HRH1: variants seen among roughly 807,000 people sequenced by gnomAD.
The protein encoded by HRH1 is histamine H1 receptor.
HRH1 carries 6 observed loss-of-function variants against 10.3 expected under a neutral mutation model. The observed-to-expected ratio is 0.58, with a 90% CI of 0.32 to 1.15. The LOEUF (loss-of-function observed/expected upper bound fraction) is 1.15. HRH1 is among the 50% of genes most tolerant of loss of function. HRH1 has a pLI of 0.05. For synonymous variants in HRH1, 242 were observed against 236.7 expected (o/e 1.02, Z -0.21); for missense variants, 514 against 615.3 (o/e 0.84, Z 1.74).
At chr3:11,242,159 C>G (rs562037579) in intron 1 of HRH1, among the ~76,000 whole-genome samples, 37 of 152,178 alleles carry the variant, frequency 2.4e-4, no homozygotes, top group African/African-American at 8.9e-4. Flanking sequence ...TGTTGCTGCT[C>G]ACTCTTTGGG....
intron 1 of HRH1, among the ~76,000 whole-genome samples, chr3:11,167,994 G>A (rs942804400): frequency 1.3e-5 from 2 of 152,192 alleles, no homozygotes. Context: ...ACATGCAGGA[G>A]AGGAACCAAG....
intron 1 of HRH1, among the ~76,000 whole-genome samples, chr3:11,190,166 C>G (rs1044705075): frequency 6.6e-6 from 1 of 151,810 alleles, no homozygotes; most frequent in Non-Finnish European, 1.5e-5. Flanking sequence ...GTCCTGCCCT[C>G]GATCAGCTGT....
At chr3:11,252,284 G>A (rs1384995724) in intron 1 of HRH1, among the ~76,000 whole-genome samples, 1 of 152,018 alleles carries the variant, frequency 6.6e-6, no homozygotes, top group East Asian at 1.9e-4. Context: ...TTTACTTCAG[G>A]TTCTACAAAT....
intron 1 of HRH1, among the ~76,000 whole-genome samples, chr3:11,140,300 G>A (rs1048339219): frequency 1.3e-5 from 2 of 152,136 alleles, no homozygotes; most frequent in African/African-American, 4.8e-5. Flanking sequence ...TAAATCACAG[G>A]AATGATTTTC....
chr3:11,205,594 T>C (rs1938090969), intron 1 of HRH1, among the ~76,000 whole-genome samples: 1 of 152,044 alleles, frequency 6.6e-6, no homozygotes, highest in African/African-American at 2.4e-5. Context: ...TACATTTTCA[T>C]GAGCTCTCCC....
At chr3:11,207,629 G>A (rs1014412123) in intron 1 of HRH1, among the ~76,000 whole-genome samples, 8 of 152,152 alleles carry the variant, frequency 5.3e-5, no homozygotes, top group African/African-American at 1.7e-4. Flanking sequence ...CTTACTTGCT[G>A]TGTGATCTTG....
chr3:11,218,355 G>A (rs1212958005), intron 1 of HRH1, among the ~76,000 whole-genome samples: 1 of 151,734 alleles, frequency 6.6e-6, no homozygotes, highest in East Asian at 1.9e-4. Context: ...GGCTGAGGCA[G>A]GAGAATAGCT....
At chr3:11,233,798 T>A (rs1939104632) in intron 1 of HRH1, among the ~76,000 whole-genome samples, 1 of 152,232 alleles carries the variant, frequency 6.6e-6, no homozygotes. Context: ...CCATCTGGCC[T>A]CTGCTAGTAG....
At chr3:11,177,253 T>TTAAATAAATAAATAAATAAATAAATAAA (rs201560218) in intron 1 of HRH1, among the ~76,000 whole-genome samples, 11 of 149,342 alleles carry the variant, frequency 7.4e-5, no homozygotes, top group African/African-American at 2.8e-4. Flanking sequence ...AATAAATAAA[T>TTAAATAAATAAATAAATAAATAAATAAA]TAAATAAATA....
chr3:11,260,011 A>G lies in HRH1; in HGVS notation c.974A>G (p.Asn325Ser), dbSNP rs758339040. Residue 325 changes from asparagine to serine, a missense_variant, in exon 2 of 2, where the codon AAC becomes AGC. Transcript: ENST00000431010. ...EGSSRDYVAVNRSHGQLKTDE... is the reference protein window; with the variant it reads ...EGSSRDYVAVSRSHGQLKTDE... ...AGTAGCAGGGACTATGTAGCCGTCAACCGGAGCCATGGCCAGCTCAAGACA... is the reference window on the plus strand; with the variant it reads ...AGTAGCAGGGACTATGTAGCCGTCAGCCGGAGCCATGGCCAGCTCAAGACA... 1 of 1,614,184 alleles carries G rather than the reference A, an allele frequency of 6.2e-7. No individual in the cohort carries two copies. Among genetic ancestry groups the G allele is most frequent in the Non-Finnish European group, 8.5e-7 (1 of 1,180,032 alleles).
intron 1 of HRH1, among the ~76,000 whole-genome samples, chr3:11,139,891 C>A (rs3896330): frequency 0.12 from 17,557 of 152,128 alleles, 1,078 homozygotes; most frequent in South Asian, 0.17. Flanking sequence ...CCGAAAACTG[C>A]TAGTGGTGAT....
intron 1 of HRH1, among the ~76,000 whole-genome samples, chr3:11,256,792 C>T (rs973472145): frequency 6.6e-6 from 1 of 151,816 alleles, no homozygotes; most frequent in African/African-American, 2.4e-5. Flanking sequence ...AGCGAGACTC[C>T]GTCTCTAAAT....
At chr3:11,225,670 G>T (rs1399192365) in intron 1 of HRH1, among the ~76,000 whole-genome samples, 1 of 152,222 alleles carries the variant, frequency 6.6e-6, no homozygotes, top group Non-Finnish European at 1.5e-5. Flanking sequence ...TTACAACCTA[G>T]CTTTATTATT....
chr3:11,173,389 G>A (rs980333379), intron 1 of HRH1, among the ~76,000 whole-genome samples: 2 of 148,404 alleles, frequency 1.3e-5, no homozygotes, highest in East Asian at 2.0e-4. Flanking sequence ...TATATATATG[G>A]GGTTTTTTTG....
At chr3:11,250,435 T>C (rs529817743) in intron 1 of HRH1, among the ~76,000 whole-genome samples, 1 of 151,956 alleles carries the variant, frequency 6.6e-6, no homozygotes, top group East Asian at 1.9e-4. Flanking sequence ...GTCCATCCTC[T>C]CTCAACGGTC....
chr3:11,149,159 T>C (rs997350262), intron 1 of HRH1, among the ~76,000 whole-genome samples: 1 of 152,224 alleles, frequency 6.6e-6, no homozygotes, highest in Admixed American at 6.5e-5. Flanking sequence ...AACACAGGTA[T>C]AAATGGCCAC....
At chr3:11,152,334 C>T (rs889825952), upstream of HRH1, among the ~76,000 whole-genome samples, 1 of 152,198 alleles carries the variant, frequency 6.6e-6, no homozygotes, top group African/African-American at 2.4e-5. Context: ...ACCCCTCATA[C>T]AGCCTGGGGT....
chr3:11,218,952 G>A (rs145623596), intron 1 of HRH1, among the ~76,000 whole-genome samples: 1,676 of 150,236 alleles, frequency 0.011, 30 homozygotes, highest in African/African-American at 0.039. Flanking sequence ...GTGCCGTGGC[G>A]TGATCTCGGC....
intron 1 of HRH1, among the ~76,000 whole-genome samples, chr3:11,218,247 C>A (rs996284084): frequency 5.3e-5 from 8 of 151,978 alleles, no homozygotes; most frequent in Admixed American, 5.2e-4. Context: ...GAGTTCGAGA[C>A]CAGCCTGGCC....
Sources: allele counts gnomAD v4.1 joint callset (sites outside exome capture counted in the v4.1 genomes callset), GRCh38; gene constraint gnomAD v4.1.1; transcripts MANE v1.5; gene names NCBI Gene and HGNC (gene_info 2026-07-23, HGNC 2026-07-21).